Variants in PTPRD observed in about 807,000 individuals in gnomAD.
PTPRD encodes the protein protein tyrosine phosphatase receptor type D, also known as receptor-type tyrosine-protein phosphatase delta.
A neutral mutation model predicts 214.5 loss-of-function variants in PTPRD; 34 were observed. That is an observed-to-expected ratio of 0.16 (90% CI 0.12 to 0.21). The LOEUF is 0.21. PTPRD is among the 10% of genes least tolerant of loss of function. PTPRD has a pLI of 1.00. For missense variants in PTPRD, 2,545 were observed against 2,398.7 expected (o/e 1.06, Z -1.27); for synonymous variants, 1,128 against 845.7 (o/e 1.33, Z -5.79).
chr9:9,480,740 A>T (rs978772330), intron 8 of PTPRD, among the ~76,000 whole-genome samples: 1 of 152,164 alleles, frequency 6.6e-6, no homozygotes, highest in Non-Finnish European at 1.5e-5. Flanking sequence ...TTTAGGATGC[A>T]ATAGTCTTGA....
At chr9:9,950,355 G>A (rs1468205477) in intron 4 of PTPRD, among the ~76,000 whole-genome samples, 1 of 152,120 alleles carries the variant, frequency 6.6e-6, no homozygotes, top group Non-Finnish European at 1.5e-5. Context: ...AATGAGCTAG[G>A]GAAGCTGGTG....
At chr9:8,926,316 AT>A (rs2098891970) in intron 11 of PTPRD, among the ~76,000 whole-genome samples, 1 of 152,130 alleles carries the variant, frequency 6.6e-6, no homozygotes, top group Admixed American at 6.6e-5. Context: ...TACACAATCC[AT>A]TGCAGTATCT....
intron 12 of PTPRD, among the ~76,000 whole-genome samples, chr9:8,712,881 A>G (rs2098372973): frequency 6.6e-6 from 1 of 151,926 alleles, no homozygotes; most frequent in Non-Finnish European, 1.5e-5. Context: ...ACCACGCCTG[A>G]CTAATTTTTG....
chr9:8,816,849 T>C lies in PTPRD; in HGVS notation c.-103-82903A>G, dbSNP rs552246748. On this transcript the variant is annotated intron_variant, in intron 11 of 45. Coordinates refer to ENST00000381196, the MANE Select transcript of PTPRD (RefSeq NM_002839.4). ...TAGCAGTACAAGCCCTTTCCAAAAA[T>C]AGATTCTTTCCTCACCTTCTAAGGA... Among the ~76,000 whole-genome samples the C allele has an allele frequency of 1.5e-4, 23 of 152,284 alleles. 2 individuals are homozygous for C. The highest frequency in any genetic ancestry group is 5.1e-4 in the African/African-American group (21 of 41,572).
intron 4 of PTPRD, among the ~76,000 whole-genome samples, chr9:9,972,621 G>C (rs1245910250): frequency 6.6e-6 from 1 of 152,156 alleles, no homozygotes; most frequent in Middle Eastern, 3.2e-3. Flanking sequence ...TTATTGTACA[G>C]TTTTGGAGGT....
At chr9:9,242,639 C>T (rs1225694422) in intron 9 of PTPRD, among the ~76,000 whole-genome samples, 2 of 152,202 alleles carry the variant, frequency 1.3e-5, no homozygotes, top group Non-Finnish European at 2.9e-5. Flanking sequence ...GAATCAGCTA[C>T]TGAAGCTTGT....
At chr9:9,305,756 A>G (rs1403957170) in intron 9 of PTPRD, among the ~76,000 whole-genome samples, 2 of 152,288 alleles carry the variant, frequency 1.3e-5, no homozygotes, top group African/African-American at 4.8e-5. Context: ...TAGAGACACA[A>G]AAAAGACATG....
chr9:10,024,063 T>C lies in PTPRD; in HGVS notation c.-472+9655A>G, dbSNP rs141161535. Among the ~76,000 whole-genome samples, 11 of 152,270 alleles carry C rather than the reference T, an allele frequency of 7.2e-5. No homozygotes were observed. The East Asian group carries it at 2.1e-3, about 29-fold the overall frequency. On this transcript the variant is annotated intron_variant, in intron 4 of 45. Transcript: ENST00000381196. ...TTAACACTAGATATATTTTCAATCA[T>C]TTTTAGATATATTTCCAAATGTCAT...
At chr9:9,041,058 A>G (rs2154383463) in intron 10 of PTPRD, among the ~76,000 whole-genome samples, 1 of 152,254 alleles carries the variant, frequency 6.6e-6, no homozygotes, top group East Asian at 1.9e-4. Flanking sequence ...ATGGCACTGA[A>G]TTTACTGCTA....
At chr9:9,861,848 G>A (rs1019034722) in intron 5 of PTPRD, among the ~76,000 whole-genome samples, 1 of 152,024 alleles carries the variant, frequency 6.6e-6, no homozygotes, top group East Asian at 1.9e-4. Flanking sequence ...ATATGTAGAG[G>A]TATGTTTATT....
chr9:8,528,887 C>A, intron 14 of PTPRD, 108 bp from the exon 15 acceptor site: 2 of 1,022,712 alleles, frequency 2.0e-6, no homozygotes, highest in Admixed American at 2.3e-5. Context: ...TGTTGAGAAC[C>A]TAACACAAAC....
At chr9:10,586,453 A>G (rs1303567835) in intron 2 of PTPRD, among the ~76,000 whole-genome samples, 1 of 152,098 alleles carries the variant, frequency 6.6e-6, no homozygotes, top group Non-Finnish European at 1.5e-5. Context: ...TTCAAAAAAG[A>G]TGTCGAAAAG....
intron 11 of PTPRD, among the ~76,000 whole-genome samples, chr9:8,800,760 A>G (rs1252802321): frequency 6.6e-6 from 1 of 152,068 alleles, no homozygotes; most frequent in Non-Finnish European, 1.5e-5. Flanking sequence ...ACTTTACTCT[A>G]TGGACTCGCG....
Position 9,388,829 on chromosome 9 carries a change from A to C in PTPRD, c.-203+8620T>G, listed in dbSNP as rs12235104. ...TCTCAAACACTCAGAAAGAATAAAT[A>C]ATAAAACAGGCTTTCTGAGATAATG... On this transcript the variant is annotated intron_variant, in intron 9 of 45. Coordinates refer to ENST00000381196, the MANE Select transcript of PTPRD (RefSeq NM_002839.4). Among the ~76,000 whole-genome samples the C allele has an allele frequency of 3.5e-3, 536 of 152,312 alleles. 7 individuals carry two copies. The East Asian group carries it at 0.037, about 11-fold the overall frequency.
chr9:8,492,910 C>T lies in PTPRD; in HGVS notation c.2419G>A (p.Gly807Arg), dbSNP rs767627241. The T allele has an allele frequency of 2.5e-6, 4 of 1,613,922 alleles. No homozygotes were observed. The highest frequency in any genetic ancestry group is 3.4e-6 in the Non-Finnish European group (4 of 1,179,852). The change falls in exon 27 of 46, where the codon GGA becomes AGA. Residue 807 changes from glycine (G) to arginine (R), a missense_variant. Gly to Arg is a moderately radical substitution (Grantham distance 125). Coordinates refer to ENST00000381196, the MANE Select transcript of PTPRD (RefSeq NM_002839.4). Reference sequence around the variant, plus strand: ...TTGGGCTTGCTGCGAGCACCATCTCCTTTGGTTGTGTAGGCTGTGACGGTG... The same window carrying T: ...TTGGGCTTGCTGCGAGCACCATCTCTTTTGGTTGTGTAGGCTGTGACGGTG... ...SLTVTAYTTK[G>R]DGARSKPKLV...
chr9:8,795,278 C>T (rs1205584538), intron 11 of PTPRD, among the ~76,000 whole-genome samples: 1 of 152,006 alleles, frequency 6.6e-6, no homozygotes, highest in East Asian at 1.9e-4. Context: ...AATTCTCCTG[C>T]CTCAGCCTCC....
At chr9:8,801,283 T>C (rs1172755022) in intron 11 of PTPRD, among the ~76,000 whole-genome samples, 2 of 152,216 alleles carry the variant, frequency 1.3e-5, no homozygotes, top group Non-Finnish European at 2.9e-5. Flanking sequence ...AACTTCCCTT[T>C]GTCTCATATT....
chr9:8,895,723 AG>A (rs2098603966), intron 11 of PTPRD, among the ~76,000 whole-genome samples: 1 of 152,184 alleles, frequency 6.6e-6, no homozygotes, highest in South Asian at 2.1e-4. Context: ...GAAGACAATG[AG>A]TGCTGCTGAA....
At chr9:8,978,429 T>A (rs1485798064) in intron 11 of PTPRD, among the ~76,000 whole-genome samples, 1 of 152,080 alleles carries the variant, frequency 6.6e-6, no homozygotes, top group Non-Finnish European at 1.5e-5. Flanking sequence ...TCAATAAATA[T>A]CCACGGAATG....
Sources: gnomAD v4.1 joint callset for allele counts (sites outside exome capture counted in the v4.1 genomes callset) on GRCh38, gnomAD v4.1.1 for gene constraint, MANE v1.5 for transcripts, NCBI Gene and HGNC (gene_info 2026-07-23, HGNC 2026-07-21) for gene names.